Variants in CHSY1 observed in about 807,000 individuals in gnomAD.
The protein encoded by CHSY1 is N-acetylgalactosaminyl-proteoglycan 3-beta-glucuronosyltransferase 1.
Under a neutral mutation model 59.8 loss-of-function variants are expected in CHSY1, and 13 were observed. That is an observed-to-expected ratio of 0.22 (90% CI 0.14 to 0.35). The LOEUF (loss-of-function observed/expected upper bound fraction) is 0.35, where lower values mean the gene tolerates loss of function less well. CHSY1 is among the 10% of genes least tolerant of loss of function. The probability of loss-of-function intolerance (pLI) is 1.00; values close to 1 mark genes in which losing one functional copy is unlikely to be tolerated. For missense variants in CHSY1, 947 were observed against 1,030.6 expected, an observed-to-expected ratio of 0.92 and a Z score of 1.11; for synonymous variants, 459 against 401.2, an observed-to-expected ratio of 1.14 and a Z score of -1.72.
chr15:101,215,048 G>A (rs551268349), intron 2 of CHSY1, among the ~76,000 whole-genome samples: 7 of 152,082 alleles, frequency 4.6e-5, no homozygotes, highest in Non-Finnish European at 7.4e-5. Context: ...GAGACACCTC[G>A]CCCCCACTTT....
chr15:101,214,992 C>T (rs981216141), intron 2 of CHSY1, among the ~76,000 whole-genome samples: 4 of 152,102 alleles, frequency 2.6e-5, no homozygotes, highest in Non-Finnish European at 4.4e-5. Context: ...TAAAAGTGTG[C>T]GGCACCTCCT....
chr15:101,237,513 C>T (rs1278610778), intron 1 of CHSY1, among the ~76,000 whole-genome samples: 1 of 152,054 alleles, frequency 6.6e-6, no homozygotes, highest in African/African-American at 2.4e-5. Context: ...TGGTCAATTG[C>T]GAGGAAACCA....
intron 2 of CHSY1, among the ~76,000 whole-genome samples, chr15:101,184,237 G>T (rs2038322603): frequency 6.6e-6 from 1 of 152,156 alleles, no homozygotes; most frequent in Non-Finnish European, 1.5e-5. Flanking sequence ...TGTGCTAAGG[G>T]GGTGAACATG....
intron 1 of CHSY1, among the ~76,000 whole-genome samples, chr15:101,241,027 G>A (rs1251946681): frequency 1.3e-5 from 2 of 152,096 alleles, no homozygotes; most frequent in African/African-American, 2.4e-5. Context: ...ATAAAATAAC[G>A]TACAACTCCA....
rs184971765 is a variant in CHSY1, at chr15:101,237,711, C to T, written c.321-2134G>A. On this transcript the variant is annotated intron_variant, in intron 1 of 2. Transcript: ENST00000254190. ...AGCAGCTAATTGAAGGCTATCATAT[C>T]GCACTTTCCCTCCTACTTTCTTCAC... Among the ~76,000 whole-genome samples the T allele has an allele frequency of 3.7e-4, 57 of 152,328 alleles. 1 individual carries two copies. Among genetic ancestry groups the T allele is most frequent in the Middle Eastern group, 3.4e-3 (1 of 294 alleles).
chr15:101,189,151 G>A (rs1447983433), intron 2 of CHSY1, among the ~76,000 whole-genome samples: 1 of 152,210 alleles, frequency 6.6e-6, no homozygotes, highest in South Asian at 2.1e-4. Flanking sequence ...GCCGGCGAGC[G>A]TGGCGGGCGA....
At chr15:101,179,234 G>A (rs1021497579) in intron 2 of CHSY1, among the ~76,000 whole-genome samples, 1 of 152,182 alleles carries the variant, frequency 6.6e-6, no homozygotes, top group African/African-American at 2.4e-5. Context: ...TGAAAAAGTT[G>A]TCCCATAATG....
chr15:101,217,440 AAC>A (rs2038745663), intron 2 of CHSY1, among the ~76,000 whole-genome samples: 1 of 152,232 alleles, frequency 6.6e-6, no homozygotes, highest in African/African-American at 2.4e-5. Context: ...CCCCAATAGC[AAC>A]AAGCATACCT....
intron 2 of CHSY1, among the ~76,000 whole-genome samples, chr15:101,206,794 G>A (rs956887804): frequency 6.6e-6 from 1 of 152,142 alleles, no homozygotes; most frequent in African/African-American, 2.4e-5. Flanking sequence ...GGGTTTTGGG[G>A]CACAGCCTAA....
intron 1 of CHSY1, among the ~76,000 whole-genome samples, chr15:101,247,563 A>G (rs2141283209): frequency 6.6e-6 from 1 of 152,320 alleles, no homozygotes; most frequent in African/African-American, 2.4e-5. Flanking sequence ...TGTGCTTTAC[A>G]AAGAAATGGA....
intron 1 of CHSY1, among the ~76,000 whole-genome samples, chr15:101,235,809 A>G (rs180819977): frequency 9.8e-5 from 15 of 152,344 alleles, no homozygotes; most frequent in South Asian, 2.1e-4. Context: ...TTCTGGGATA[A>G]CTAAGTTTTA....
intron 2 of CHSY1, among the ~76,000 whole-genome samples, chr15:101,220,219 C>A (rs1489922898): frequency 6.6e-6 from 1 of 152,140 alleles, no homozygotes; most frequent in African/African-American, 2.4e-5. Flanking sequence ...TTTCATTGGC[C>A]TCCCTGCTCA....
At chr15:101,223,254 C>G (rs1208898257) in intron 2 of CHSY1, among the ~76,000 whole-genome samples, 1 of 152,190 alleles carries the variant, frequency 6.6e-6, no homozygotes, top group Non-Finnish European at 1.5e-5. Context: ...CTTGGCCTCC[C>G]AAAGTGCTAG....
intron 2 of CHSY1, among the ~76,000 whole-genome samples, chr15:101,226,408 T>C (rs1279947678): frequency 2.0e-5 from 3 of 152,162 alleles, no homozygotes; most frequent in Admixed American, 6.5e-5. Flanking sequence ...TTTAAGGAAA[T>C]TAAGGTTCAG....
In CHSY1 at chr15:101,251,480, G is replaced by A. The variant is rs1384923608; in HGVS notation, c.-24C>T. ...ATGCCCGCGCCGCTCCGCCCGCCGG[G>A]CCGCCGCCGCAGGCTCCGCGCGCCC... On this transcript the variant is annotated 5_prime_UTR_variant, in exon 1 of 3. Coordinates refer to ENST00000254190, the MANE Select transcript of CHSY1 (RefSeq NM_014918.5). The A allele has an allele frequency of 4.7e-6, 2 of 426,148 alleles. No individual in the cohort carries two copies. The highest frequency in any genetic ancestry group is 5.2e-6 in the Non-Finnish European group (2 of 387,000). The allele number at this position is 426,148 out of a possible 1,614,324, so 26.4% of individuals were successfully genotyped here. A position where few individuals can be genotyped will look rare whatever the true frequency, so the allele number is the denominator to read the frequency against.
intron 2 of CHSY1, among the ~76,000 whole-genome samples, chr15:101,210,169 A>G (rs1225094966): frequency 1.3e-5 from 2 of 152,232 alleles, no homozygotes; most frequent in African/African-American, 4.8e-5. Flanking sequence ...ATCACTCACT[A>G]AACAGATTAG....
chr15:101,237,568 G>A (rs1459107627), intron 1 of CHSY1, among the ~76,000 whole-genome samples: 1 of 152,148 alleles, frequency 6.6e-6, no homozygotes, highest in Non-Finnish European at 1.5e-5. Flanking sequence ...ACAGAGGGAA[G>A]ATGAGTGGTC....
chr15:101,189,116 G>A (rs2038410116), intron 2 of CHSY1, among the ~76,000 whole-genome samples: 1 of 152,242 alleles, frequency 6.6e-6, no homozygotes, highest in Non-Finnish European at 1.5e-5. Flanking sequence ...GTACAGAGAA[G>A]AAACAAGCGC....
At chr15:101,249,027 T>A (rs1311166061) in intron 1 of CHSY1, among the ~76,000 whole-genome samples, 1 of 150,124 alleles carries the variant, frequency 6.7e-6, no homozygotes, top group African/African-American at 2.5e-5. Flanking sequence ...ATGGTCTTGA[T>A]CTCCTGACCT....
Sources: allele counts gnomAD v4.1 joint callset (sites outside exome capture counted in the v4.1 genomes callset), GRCh38; gene constraint gnomAD v4.1.1; transcripts MANE v1.5; gene names NCBI Gene and HGNC (gene_info 2026-07-23, HGNC 2026-07-21).